GALNT13: variants seen among roughly 807,000 people sequenced by gnomAD.
GALNT13 encodes the protein polypeptide N-acetylgalactosaminyltransferase 13.
GALNT13 carries 28 observed loss-of-function variants against 64.2 expected under a neutral mutation model. The observed-to-expected ratio is 0.44, with a 90% CI of 0.32 to 0.60. The LOEUF (loss-of-function observed/expected upper bound fraction) is 0.60. Among genes scored for constraint, GALNT13 ranks in the 20% least tolerant of loss-of-function variants. The pLI, the probability that GALNT13 is intolerant of heterozygous loss-of-function variation, is 0.05. For missense variants in GALNT13, 577 were observed against 669.8 expected (o/e 0.86, Z 1.53); for synonymous variants, 214 against 224.6 (o/e 0.95, Z 0.42).
chr2:153,536,983 C>T, the GALNT13 span, among the ~76,000 whole-genome samples: 1 of 152,182 alleles, frequency 6.6e-6, no homozygotes, highest in South Asian at 2.1e-4. Flanking sequence ...AAGCTAACTA[C>T]ATCTTACTGG....
chr2:154,009,246 G>A (rs1696465208), intron 3 of GALNT13, among the ~76,000 whole-genome samples: 1 of 147,734 alleles, frequency 6.8e-6, no homozygotes, highest in African/African-American at 2.5e-5. Flanking sequence ...CTATCCTGTT[G>A]CATTGGTCTG....
At chr2:153,861,425 A>T in the GALNT13 span, among the ~76,000 whole-genome samples, 1 of 152,210 alleles carries the variant, frequency 6.6e-6, no homozygotes, top group African/African-American at 2.4e-5. Context: ...AAATAAAATG[A>T]CAACTTTGTG....
At chr2:153,594,308 G>A in the GALNT13 span, among the ~76,000 whole-genome samples, 1 of 152,068 alleles carries the variant, frequency 6.6e-6, no homozygotes, top group African/African-American at 2.4e-5. Flanking sequence ...ACCAAAGAAG[G>A]TTTACATTTT....
At chr2:153,672,450 C>T in the GALNT13 span, among the ~76,000 whole-genome samples, 24 of 152,268 alleles carry the variant, frequency 1.6e-4, no homozygotes, top group African/African-American at 5.5e-4. Context: ...TCCTGAATGA[C>T]TACTGGGTAA....
At chr2:154,058,340 T>A (rs182293325) in intron 3 of GALNT13, among the ~76,000 whole-genome samples, 1 of 152,350 alleles carries the variant, frequency 6.6e-6, no homozygotes, top group Admixed American at 6.5e-5. Flanking sequence ...TGTGGTATTT[T>A]GTTGTAACAA....
intron 9 of GALNT13, among the ~76,000 whole-genome samples, chr2:154,338,468 C>T (rs74863114): frequency 0.022 from 3,415 of 152,020 alleles, 67 homozygotes; most frequent in Non-Finnish European, 0.035. Context: ...TAGGGATGGC[C>T]AGATAGGCAG....
the GALNT13 span, among the ~76,000 whole-genome samples, chr2:153,546,121 T>A: frequency 6.6e-6 from 1 of 152,216 alleles, no homozygotes; most frequent in African/African-American, 2.4e-5. Context: ...ACAAAATACA[T>A]AATCTCAATT....
At chr2:154,391,762 A>G (rs964389108) in intron 9 of GALNT13, among the ~76,000 whole-genome samples, 1 of 152,210 alleles carries the variant, frequency 6.6e-6, no homozygotes, top group African/African-American at 2.4e-5. Context: ...AGGATACCTT[A>G]TCCTTCAAAA....
chr2:154,395,408 T>C (rs1461685933), intron 9 of GALNT13, among the ~76,000 whole-genome samples: 3 of 152,142 alleles, frequency 2.0e-5, no homozygotes, highest in African/African-American at 7.2e-5. Context: ...GTTTGTTAGT[T>C]TCTTTACACT....
At chr2:154,146,291 C>T (rs561979383) in intron 4 of GALNT13, among the ~76,000 whole-genome samples, 44 of 151,968 alleles carry the variant, frequency 2.9e-4, no homozygotes, top group South Asian at 4.2e-4. Flanking sequence ...AGTAGAGTAA[C>T]ACATGTCTAG....
chr2:153,716,451 C>A, the GALNT13 span, among the ~76,000 whole-genome samples: 2 of 151,982 alleles, frequency 1.3e-5, no homozygotes, highest in East Asian at 1.9e-4. Context: ...CCCAGGGAAA[C>A]CAAAGATTGG....
chr2:153,897,711 C>G (rs534625181), intron 1 of GALNT13, among the ~76,000 whole-genome samples: 2 of 152,130 alleles, frequency 1.3e-5, no homozygotes, highest in African/African-American at 2.4e-5. Flanking sequence ...CTCCATCAGT[C>G]CATCTATACT....
chr2:153,730,773 T>C, the GALNT13 span, among the ~76,000 whole-genome samples: 1 of 151,642 alleles, frequency 6.6e-6, no homozygotes, highest in African/African-American at 2.4e-5. Context: ...GACATACAAG[T>C]GACTAACAAA....
intron 9 of GALNT13, among the ~76,000 whole-genome samples, chr2:154,320,332 C>T (rs1205404077): frequency 6.6e-6 from 1 of 152,142 alleles, no homozygotes; most frequent in African/African-American, 2.4e-5. Flanking sequence ...TAAGACATTA[C>T]ATTTACTAAG....
chr2:154,396,228 G>A (rs1479275409), intron 10 of GALNT13, 98 bp downstream of exon 10: 3 of 708,560 alleles, frequency 4.2e-6, no homozygotes, highest in Non-Finnish European at 6.4e-6. Context: ...AATGCTGTAA[G>A]GGATTTTTAA....
At chr2:154,044,077 A>G (rs995405173) in intron 3 of GALNT13, among the ~76,000 whole-genome samples, 1 of 93,252 alleles carries the variant, frequency 1.1e-5, no homozygotes, top group African/African-American at 2.7e-5. Flanking sequence ...GTCTCAAAAA[A>G]ATAAAAAATA....
intron 3 of GALNT13, among the ~76,000 whole-genome samples, chr2:154,121,165 C>A (rs1681920060): frequency 6.6e-6 from 1 of 152,118 alleles, no homozygotes; most frequent in Admixed American, 6.6e-5. Flanking sequence ...AGATTTAATT[C>A]TGTTCTATGG....
At chr2:154,021,760 G>A (rs1697517908) in intron 3 of GALNT13, among the ~76,000 whole-genome samples, 1 of 151,534 alleles carries the variant, frequency 6.6e-6, no homozygotes, top group African/African-American at 2.4e-5. Context: ...TGGTGAGAGA[G>A]GGCATCCCTG....
the GALNT13 span, among the ~76,000 whole-genome samples, chr2:153,735,242 T>A: frequency 1.3e-5 from 2 of 152,130 alleles, no homozygotes; most frequent in South Asian, 4.1e-4. Flanking sequence ...GAACTTTGAA[T>A]TTTGTCTCTA....
Sources: allele counts gnomAD v4.1 joint callset (sites outside exome capture counted in the v4.1 genomes callset), GRCh38; gene constraint gnomAD v4.1.1; transcripts MANE v1.5; gene names NCBI Gene and HGNC (gene_info 2026-07-23, HGNC 2026-07-21).